The following CEP152 variants were observed in gnomAD, a reference collection of about 807,000 sequenced individuals.
CEP152 encodes the protein centrosomal protein 152.
In CEP152, 132 loss-of-function variants were observed where a neutral mutation model predicts 188.9. That is an observed-to-expected ratio of 0.70 (90% CI 0.61 to 0.81). The LOEUF is 0.81. Among genes scored for constraint, CEP152 ranks in the 30% least tolerant of loss-of-function variants. The probability of loss-of-function intolerance (pLI) is 0.00; values close to 1 mark genes in which losing one functional copy is unlikely to be tolerated. For missense variants in CEP152, 1,914 were observed against 1,969.8 expected (o/e 0.97, Z 0.54); for synonymous variants, 649 against 666.6 (o/e 0.97, Z 0.41).
At chr15:48,789,366 T>A in intron 8 of CEP152, 1 of 282,470 alleles carries the variant, frequency 3.5e-6, no homozygotes, top group Non-Finnish European at 6.8e-6. Context: ...GTAACCCAAT[T>A]GTTAGGTCAC....
At chr15:48,735,509 C>A (rs1308176791), downstream of CEP152, among the ~76,000 whole-genome samples, 1 of 151,964 alleles carries the variant, frequency 6.6e-6, no homozygotes, top group Non-Finnish European at 1.5e-5. Flanking sequence ...CGGAGGTGGG[C>A]GGATCACTTG....
At chr15:48,735,318 C>T (rs1892557747), downstream of CEP152, among the ~76,000 whole-genome samples, 1 of 152,142 alleles carries the variant, frequency 6.6e-6, no homozygotes, top group Non-Finnish European at 1.5e-5. Context: ...ATGAAAACAA[C>T]AATACAACAT....
intron 22 of CEP152, 127 bp downstream of exon 22, chr15:48,748,316 A>C: frequency 7.7e-7 from 1 of 1,292,544 alleles, no homozygotes; most frequent in Non-Finnish European, 9.8e-7. Flanking sequence ...TAAAAATAAG[A>C]TCCAAATTAG....
chr15:48,734,459 A>G (rs1340013145), downstream of CEP152, among the ~76,000 whole-genome samples: 2 of 151,830 alleles, frequency 1.3e-5, no homozygotes, highest in African/African-American at 2.4e-5. Context: ...AATGCAGAAG[A>G]AGGCAATAAA....
At chr15:48,761,196 C>T (rs974045774) in intron 18 of CEP152, among the ~76,000 whole-genome samples, 10 of 152,120 alleles carry the variant, frequency 6.6e-5, no homozygotes, top group Admixed American at 1.3e-4. Flanking sequence ...TTTGAAACCC[C>T]CTTCAGTAAA....
intron 12 of CEP152, among the ~76,000 whole-genome samples, chr15:48,774,778 G>A (rs905762983): frequency 1.3e-5 from 2 of 152,010 alleles, no homozygotes; most frequent in Non-Finnish European, 2.9e-5. Flanking sequence ...CAACTAACCA[G>A]AAAAATGTGG....
downstream of CEP152, among the ~76,000 whole-genome samples, chr15:48,737,010 G>A (rs1326031143): frequency 6.6e-6 from 1 of 152,226 alleles, no homozygotes; most frequent in Non-Finnish European, 1.5e-5. Flanking sequence ...ACTTTGACAA[G>A]ATGGTTTGTT....
chr15:48,778,965 G>C (rs11639309), intron 12 of CEP152, among the ~76,000 whole-genome samples: 11,656 of 146,846 alleles, frequency 0.079, 541 homozygotes, highest in Middle Eastern at 0.19. Flanking sequence ...AAAAAAAAAA[G>C]ATGAATACAG....
intron 1 of CEP152, among the ~76,000 whole-genome samples, chr15:48,807,667 CCTTT>C (rs1192526168): frequency 6.6e-6 from 1 of 151,998 alleles, no homozygotes; most frequent in Non-Finnish European, 1.5e-5. Flanking sequence ...GTGTCTTCTA[CCTTT>C]CTTTCATTCA....
intron 2 of CEP152, among the ~76,000 whole-genome samples, chr15:48,800,120 C>G (rs1463371372): frequency 6.6e-6 from 1 of 151,996 alleles, no homozygotes; most frequent in Non-Finnish European, 1.5e-5. Flanking sequence ...TTTGTGACAC[C>G]ACAAAATTGG....
rs34837739 is a variant in CEP152 at position 48,765,636 on chromosome 15, ATTTTTTTTTTTTTTTTTTTTTTT to A, written c.2280+1401_2280+1423del. The A allele has an allele frequency of 2.7e-4, 51 of 189,458 alleles. 2 individuals carry two copies. Among genetic ancestry groups the A allele is most frequent in the Middle Eastern group, 1.7e-3 (2 of 1,204 alleles). 11.7% of individuals were successfully genotyped at this position (189,458 alleles called of 1,614,324 possible). A position where few individuals can be genotyped will look rare whatever the true frequency, so the allele number is the denominator to read the frequency against. On this transcript the variant is annotated intron_variant, in intron 17 of 26. Coordinates refer to ENST00000380950, the MANE Select transcript of CEP152 (RefSeq NM_001194998.2). ...GAAAATTCCTCTTATGTTCTTGCCA[ATTTTTTTTTTTTTTTTTTTTTTT>A]TTTTTTTTTTGAGAGACGGAGTTTC...
At chr15:48,790,603 G>A (rs913872189) in intron 8 of CEP152, among the ~76,000 whole-genome samples, 2 of 151,516 alleles carry the variant, frequency 1.3e-5, no homozygotes, top group East Asian at 3.9e-4. Context: ...TCTCGCTCTC[G>A]TCCCCCAGGC....
At chr15:48,782,297 A>G in intron 10 of CEP152, 67 bp from the exon 11 acceptor site, 3 of 1,356,694 alleles carry the variant, frequency 2.2e-6, no homozygotes, top group Non-Finnish European at 3.2e-6. Context: ...TGATCTACAG[A>G]AGACTTGAAT....
At position 48,787,163 on chromosome 15, in the gene CEP152, G is replaced by GTTTTTTGTTTTT. The variant is rs71120640; in HGVS notation, c.1173+1637_1173+1638insAAAAACAAAAAA. 3.0e-5 allele frequency among the ~76,000 whole-genome samples: 3 copies of GTTTTTTGTTTTT among 101,500 alleles called. 1 individual carries two copies. Among genetic ancestry groups the GTTTTTTGTTTTT allele is most frequent in the Non-Finnish European group, 1.9e-5 (1 of 53,418 alleles). 66.6% of individuals were successfully genotyped at this position (101,500 alleles called of 152,430 possible). On this transcript the variant is annotated intron_variant, in intron 9 of 26. Coordinates refer to ENST00000380950, the MANE Select transcript of CEP152 (RefSeq NM_001194998.2). ...TTTTCAATAATTTGGTATAGCCTTC[G>GTTTTTTGTTTTT]TTTTTTTTTTTTTTTTTTTCTGGAA...
chr15:48,744,802 G>T, intron 23 of CEP152, 94 bp downstream of exon 23: 2 of 1,138,620 alleles, frequency 1.8e-6, no homozygotes, highest in Non-Finnish European at 2.5e-6. Context: ...TATACTTTTT[G>T]CTGTATAACA....
rs776392345 is a variant in CEP152 at position 48,756,570 on chromosome 15, C to T, written c.2695-17G>A. ...AAATGATATCTAAAGAACATAACAA[C>T]ATGCATTTTGAAAGTCTTTATGATT... On this transcript the variant is annotated splice_polypyrimidine_tract_variant and intron_variant, in intron 19 of 26. Coordinates refer to ENST00000380950, the MANE Select transcript of CEP152 (RefSeq NM_001194998.2). 3 of 1,600,820 alleles carry T rather than the reference C, an allele frequency of 1.9e-6. No individual in the cohort carries two copies. The highest frequency in any genetic ancestry group is 1.7e-5 in the Admixed American group (1 of 59,884).
chr15:48,752,215 AG>A, intron 21 of CEP152, 133 bp downstream of exon 21: 4 of 1,452,408 alleles, frequency 2.8e-6, no homozygotes, highest in Non-Finnish European at 2.9e-6. Context: ...AATGAAATCT[AG>A]GAAGAGGGGA....
intron 20 of CEP152, 31 bp from the exon 21 acceptor site, chr15:48,752,500 T>A: frequency 1.2e-6 from 2 of 1,610,846 alleles, no homozygotes; most frequent in Non-Finnish European, 1.7e-6. Flanking sequence ...AGTTAATGCT[T>A]AGTAAAAATC....
intron 22 of CEP152, among the ~76,000 whole-genome samples, chr15:48,745,867 C>T: frequency 6.6e-6 from 1 of 152,086 alleles, no homozygotes; most frequent in East Asian, 1.9e-4. Flanking sequence ...TGTTAACTTA[C>T]AGATTATAAT....
Sources: allele counts gnomAD v4.1 joint callset (sites outside exome capture counted in the v4.1 genomes callset), GRCh38; gene constraint gnomAD v4.1.1; transcripts MANE v1.5; gene names NCBI Gene and HGNC (gene_info 2026-07-23, HGNC 2026-07-21).